MITF: variants seen among roughly 807,000 people sequenced by gnomAD.
MITF encodes the protein melanocyte inducing transcription factor.
In MITF, 17 loss-of-function variants were observed where a neutral mutation model predicts 60.5. The ratio of observed to expected loss-of-function variants is 0.28; its 90% CI spans 0.19 to 0.42. MITF has a LOEUF of 0.42. Ranked by LOEUF, MITF falls within the 10% of genes least tolerant of loss-of-function variation. MITF has a pLI of 1.00. For synonymous variants in MITF, 260 were observed against 248.5 expected, an observed-to-expected ratio of 1.05 and a Z score of -0.43; for missense variants, 622 against 683.5, an observed-to-expected ratio of 0.91 and a Z score of 1.00.
intron 1 of MITF, among the ~76,000 whole-genome samples, chr3:69,776,704 G>A (rs148429285): frequency 4.6e-5 from 7 of 152,166 alleles, no homozygotes; most frequent in African/African-American, 7.2e-5. Context: ...TGTAATATGC[G>A]GATGATTCTA....
chr3:69,881,333 A>G (rs1168613535), intron 2 of MITF, among the ~76,000 whole-genome samples: 1 of 152,102 alleles, frequency 6.6e-6, no homozygotes, highest in Non-Finnish European at 1.5e-5. Context: ...TTTATATTTC[A>G]GTTATATAAA....
chr3:69,914,506 A>G (rs1415504652), intron 2 of MITF, among the ~76,000 whole-genome samples: 1 of 152,198 alleles, frequency 6.6e-6, no homozygotes, highest in African/African-American at 2.4e-5. Context: ...TCCCCAGGAG[A>G]TGAACCTGCC....
intron 1 of MITF, among the ~76,000 whole-genome samples, chr3:69,743,165 A>G (rs1397235322): frequency 2.6e-5 from 4 of 152,178 alleles, no homozygotes; most frequent in Admixed American, 6.5e-5. Flanking sequence ...GCCTCTATCT[A>G]TTAGAGGCCA....
intron 5 of MITF, among the ~76,000 whole-genome samples, chr3:69,947,939 G>A (rs763328721): frequency 2.6e-5 from 4 of 152,160 alleles, no homozygotes; most frequent in Non-Finnish European, 4.4e-5. Flanking sequence ...TGGAGAGGAT[G>A]CAAGGTACTC....
At chr3:69,800,373 T>A (rs1228533619) in intron 1 of MITF, among the ~76,000 whole-genome samples, 1 of 152,208 alleles carries the variant, frequency 6.6e-6, no homozygotes, top group African/African-American at 2.4e-5. Flanking sequence ...TTTGAATTGC[T>A]TCCACTTTTG....
At chr3:69,945,125 G>A (rs1480412633) in intron 5 of MITF, among the ~76,000 whole-genome samples, 4 of 152,142 alleles carry the variant, frequency 2.6e-5, no homozygotes, top group African/African-American at 7.2e-5. Context: ...CAGTTTACTT[G>A]TGTTAACAGT....
At chr3:69,761,153 G>A (rs1279692226) in intron 1 of MITF, among the ~76,000 whole-genome samples, 1 of 152,010 alleles carries the variant, frequency 6.6e-6, no homozygotes, top group African/African-American at 2.4e-5. Flanking sequence ...GATTATACTG[G>A]AGTTAAGGAA....
At chr3:69,865,519 TC>T (rs543875807) in intron 1 of MITF, among the ~76,000 whole-genome samples, 40 of 152,226 alleles carry the variant, frequency 2.6e-4, no homozygotes, top group Non-Finnish European at 5.0e-4. Context: ...TGTTTTTTCT[TC>T]TTGTATACCA....
At chr3:69,865,214 G>A (rs372555786) in intron 1 of MITF, among the ~76,000 whole-genome samples, 2 of 152,166 alleles carry the variant, frequency 1.3e-5, no homozygotes, top group African/African-American at 2.4e-5. Context: ...ATTATATCAC[G>A]TAATTTGAGT....
At position 69,966,316 on chromosome 3, in the gene MITF, T is replaced by G. The variant is rs1341150919; in HGVS notation, c.*1068T>G. On this transcript the variant is annotated 3_prime_UTR_variant, in exon 10 of 10. Coordinates refer to ENST00000352241, the MANE Select transcript of MITF (RefSeq NM_001354604.2). ...TTTGTACACCCATGAAAGAAAACTTTTATGCAAGGTCTTGCATTTAAAAGA... is the reference window on the plus strand; with the variant it reads ...TTTGTACACCCATGAAAGAAAACTTGTATGCAAGGTCTTGCATTTAAAAGA... 1 of 232,930 alleles carries G rather than the reference T, an allele frequency of 4.3e-6. No homozygotes were observed. Among genetic ancestry groups the G allele is most frequent in the Admixed American group, 5.6e-5 (1 of 17,764 alleles). 14.4% of individuals were successfully genotyped at this position (232,930 alleles called of 1,614,324 possible).
chr3:69,821,471 A>C (rs2063270477), intron 1 of MITF, among the ~76,000 whole-genome samples: 1 of 152,204 alleles, frequency 6.6e-6, no homozygotes, highest in East Asian at 1.9e-4. Context: ...GAAAACAATG[A>C]GAGATGGCAG....
chr3:69,948,672 A>G (rs143689936), intron 5 of MITF, among the ~76,000 whole-genome samples: 1 of 152,312 alleles, frequency 6.6e-6, no homozygotes, highest in African/African-American at 2.4e-5. Flanking sequence ...GTCATTTTAT[A>G]TACAATCCTG....
chr3:69,872,495 T>C (rs1019321851), intron 1 of MITF, among the ~76,000 whole-genome samples: 1 of 152,188 alleles, frequency 6.6e-6, no homozygotes, highest in Non-Finnish European at 1.5e-5. Flanking sequence ...CATGTGCAAC[T>C]ATACTATTAT....
At chr3:69,951,470 G>T (rs183257673) in intron 6 of MITF, among the ~76,000 whole-genome samples, 1 of 152,118 alleles carries the variant, frequency 6.6e-6, no homozygotes, top group East Asian at 1.9e-4. Context: ...TCAGACCCCT[G>T]ATAATAGAGT....
At chr3:69,959,925 A>G (rs1303703646) in intron 9 of MITF, among the ~76,000 whole-genome samples, 1 of 152,208 alleles carries the variant, frequency 6.6e-6, no homozygotes, top group African/African-American at 2.4e-5. Flanking sequence ...GGCATGAGCT[A>G]CAGTGCTATT....
In MITF at chr3:69,739,492, A is replaced by T. The variant is rs530113723; in HGVS notation, c.-106A>T. Reference sequence around the variant, plus strand: ...AGCCGGCGAGCGGGCAGAGCTCGGCACTGCGCCGGGGCGCACGGCTCGGGG... The same window carrying T: ...AGCCGGCGAGCGGGCAGAGCTCGGCTCTGCGCCGGGGCGCACGGCTCGGGG... On this transcript the variant is annotated 5_prime_UTR_variant, in exon 1 of 10. Transcript: ENST00000352241. The T allele has an allele frequency of 9.4e-7, 1 of 1,063,884 alleles. No homozygotes were observed. The highest frequency in any genetic ancestry group is 1.4e-6 in the Non-Finnish European group (1 of 710,120). The allele number at this position is 1,063,884 out of a possible 1,614,324, so 65.9% of individuals were successfully genotyped here. A position where few individuals can be genotyped will look rare whatever the true frequency, so the allele number is the denominator to read the frequency against.
intron 2 of MITF, among the ~76,000 whole-genome samples, chr3:69,904,119 A>AT (rs901570936): frequency 1.1e-4 from 16 of 152,000 alleles, no homozygotes; most frequent in South Asian, 2.1e-4. Context: ...ATCACCCATA[A>AT]TTTTTTTATT....
At chr3:69,920,175 G>A (rs1448729712) in intron 2 of MITF, among the ~76,000 whole-genome samples, 1 of 152,218 alleles carries the variant, frequency 6.6e-6, no homozygotes, top group African/African-American at 2.4e-5. Context: ...CCCAGACAGG[G>A]CCACCAGAGG....
chr3:69,881,292 A>G lies in MITF; in HGVS notation c.354+1909A>G, dbSNP rs1472996330. Among the ~76,000 whole-genome samples, 4 of 152,100 alleles carry G rather than the reference A, an allele frequency of 2.6e-5. No individual in the cohort carries two copies. The East Asian group carries it at 5.8e-4, about 22-fold the overall frequency. Reference sequence around the variant, plus strand: ...TAGGTAAATTTCTCTTTCACTCTGAATATAGTTCCTGTCTATTTAACTTCT... The same window carrying G: ...TAGGTAAATTTCTCTTTCACTCTGAGTATAGTTCCTGTCTATTTAACTTCT... On this transcript the variant is annotated intron_variant, in intron 2 of 9. Coordinates refer to ENST00000352241, the MANE Select transcript of MITF (RefSeq NM_001354604.2).
Sources: allele counts gnomAD v4.1 joint callset (sites outside exome capture counted in the v4.1 genomes callset), GRCh38; gene constraint gnomAD v4.1.1; transcripts MANE v1.5; gene names NCBI Gene and HGNC (gene_info 2026-07-23, HGNC 2026-07-21).